ELMO1: variants seen among roughly 807,000 people sequenced by gnomAD.
The protein encoded by ELMO1 is engulfment and cell motility 1.
In ELMO1, 26 loss-of-function variants were observed where a neutral mutation model predicts 98.9. The observed-to-expected ratio is 0.26, with a 90% CI of 0.19 to 0.36. ELMO1 has a LOEUF of 0.36. Among genes scored for constraint, ELMO1 ranks in the 10% least tolerant of loss-of-function variants. The pLI, the probability that ELMO1 is intolerant of heterozygous loss-of-function variation, is 1.00. For synonymous variants in ELMO1, 346 were observed against 346.0 expected, an observed-to-expected ratio of 1.00 and a Z score of 0.00; for missense variants, 627 against 935.2, an observed-to-expected ratio of 0.67 and a Z score of 4.30.
Position 37,426,277 on chromosome 7 carries a change from C to T in ELMO1, c.-74+22398G>A, listed in dbSNP as rs1804705764. The stretch of plus-strand genomic sequence containing the variant: ...CAAGCGATTCTCCTGCCTCAGCCTC[C>T]AAAGTAGCTGGGATTATAGATGCCC... On this transcript the variant is annotated intron_variant, in intron 1 of 21. Transcript: ENST00000310758. 2.0e-5 allele frequency among the ~76,000 whole-genome samples: 3 copies of T among 150,904 alleles called. No individual in the cohort carries two copies. The South Asian group carries it at 6.3e-4, about 32-fold the overall frequency.
rs147129652 is a variant in ELMO1, at chr7:36,925,079, C to T, written c.1438-30062G>A. 2.4e-4 allele frequency among the ~76,000 whole-genome samples: 36 copies of T among 152,146 alleles called. No individual in the cohort carries two copies. The East Asian group carries it at 3.5e-3, about 15-fold the overall frequency. On this transcript the variant is annotated intron_variant, in intron 16 of 21. Coordinates refer to ENST00000310758, the MANE Select transcript of ELMO1 (RefSeq NM_014800.11). ...ACGTTGTACAATGCACAGGACAGACCGCCAACCAGGAATTATCCAGCCCAG... is the reference window on the plus strand; with the variant it reads ...ACGTTGTACAATGCACAGGACAGACTGCCAACCAGGAATTATCCAGCCCAG...
At chr7:37,344,003 A>G (rs915184652) in intron 1 of ELMO1, among the ~76,000 whole-genome samples, 2 of 148,028 alleles carry the variant, frequency 1.4e-5, no homozygotes, top group Non-Finnish European at 3.0e-5. Context: ...ACATTATTAC[A>G]TTTGCCACTT....
At chr7:37,028,081 G>A (rs1333220940) in intron 15 of ELMO1, among the ~76,000 whole-genome samples, 1 of 151,270 alleles carries the variant, frequency 6.6e-6, no homozygotes, top group Non-Finnish European at 1.5e-5. Context: ...CTTCATAACA[G>A]TTCCACAAAG....
intron 15 of ELMO1, among the ~76,000 whole-genome samples, chr7:37,026,617 A>G (rs2129182927): frequency 6.6e-6 from 1 of 152,224 alleles, no homozygotes; most frequent in Admixed American, 6.5e-5. Flanking sequence ...CCTAAATTCA[A>G]CCATAATTTA....
In ELMO1 at chr7:37,244,456, C is replaced by T. The variant is rs1794899222; in HGVS notation, c.414-65G>A. On this transcript the variant is annotated intron_variant, in intron 6 of 21. Transcript: ENST00000310758. The stretch of plus-strand genomic sequence containing the variant: ...AAAGCAACAATTTTTACACAAAGAA[C>T]ATATCTTGAAGAAAACTCAGGATTA... 3.2e-6 allele frequency: 5 copies of T among 1,543,884 alleles called. No individual in the cohort carries two copies. In the South Asian group the frequency reaches 3.5e-5, roughly 11 times the overall value.
intron 13 of ELMO1, among the ~76,000 whole-genome samples, chr7:37,178,501 C>T (rs1790634063): frequency 1.3e-5 from 2 of 151,686 alleles, no homozygotes; most frequent in Admixed American, 1.3e-4. Context: ...ACTCAGGAGG[C>T]TGAGGTGGGA....
intron 6 of ELMO1, among the ~76,000 whole-genome samples, chr7:37,258,569 G>C (rs2541082): frequency 6.6e-6 from 1 of 152,082 alleles, no homozygotes; most frequent in Non-Finnish European, 1.5e-5. Context: ...AGGCAAGCTC[G>C]TAAGAAAAAA....
intron 14 of ELMO1, among the ~76,000 whole-genome samples, chr7:37,096,961 C>T (rs970744916): frequency 3.3e-5 from 5 of 152,132 alleles, no homozygotes; most frequent in South Asian, 2.1e-4. Context: ...TTTGCTTGTT[C>T]GTTCCCATTT....
intron 20 of ELMO1, among the ~76,000 whole-genome samples, chr7:36,867,137 A>G (rs147812138): frequency 2.1e-3 from 315 of 152,120 alleles, no homozygotes; most frequent in African/African-American, 7.4e-3. Context: ...AGTAGCCTCT[A>G]TTTGCAGTCT....
chr7:37,126,322 T>C (rs75108805), intron 14 of ELMO1, among the ~76,000 whole-genome samples: 36,537 of 145,568 alleles, frequency 0.25, 5,937 homozygotes, highest in African/African-American at 0.46. Flanking sequence ...TATATATATA[T>C]ATATATAAAA....
intron 1 of ELMO1, among the ~76,000 whole-genome samples, chr7:37,444,876 G>A (rs55974560): frequency 0.04 from 6,016 of 152,262 alleles, 156 homozygotes; most frequent in Non-Finnish European, 0.06. Flanking sequence ...TCAACATTTG[G>A]AAATAGCATC....
intron 15 of ELMO1, among the ~76,000 whole-genome samples, chr7:37,085,905 G>A (rs578235585): frequency 7.2e-5 from 11 of 152,324 alleles, no homozygotes; most frequent in African/African-American, 2.6e-4. Flanking sequence ...ACTTCCTCAT[G>A]TATATAACCA....
intron 16 of ELMO1, among the ~76,000 whole-genome samples, chr7:36,920,330 T>C (rs985410639): frequency 6.6e-6 from 1 of 152,230 alleles, no homozygotes; most frequent in East Asian, 1.9e-4. Context: ...GCAACTATCA[T>C]CTGGCAGTGC....
At chr7:37,238,733 C>T (rs1455015969) in intron 7 of ELMO1, among the ~76,000 whole-genome samples, 2 of 152,114 alleles carry the variant, frequency 1.3e-5, no homozygotes, top group African/African-American at 4.8e-5. Flanking sequence ...TCCTAGCTTG[C>T]TGAGAATTTT....
intron 16 of ELMO1, among the ~76,000 whole-genome samples, chr7:36,927,581 C>G (rs1340545578): frequency 6.6e-6 from 1 of 152,180 alleles, no homozygotes; most frequent in African/African-American, 2.4e-5. Flanking sequence ...ATAATTTTCC[C>G]TTGTGAAGAG....
rs577889905 is a variant in ELMO1, at chr7:37,028,267, A to G, written c.1301-14832T>C. ...ACTGGAGAAGTATTTCCTTTCATGGACAATTTTTAAGGCAGAAAGTTAATA... is the reference window on the plus strand; with the variant it reads ...ACTGGAGAAGTATTTCCTTTCATGGGCAATTTTTAAGGCAGAAAGTTAATA... On this transcript the variant is annotated intron_variant, in intron 15 of 21. Coordinates refer to ENST00000310758, the MANE Select transcript of ELMO1 (RefSeq NM_014800.11). Among the ~76,000 whole-genome samples, 306 of 152,278 alleles carry G rather than the reference A, an allele frequency of 2.0e-3. 1 individual carries two copies. The highest frequency in any genetic ancestry group is 7.2e-3 in the African/African-American group (300 of 41,572).
At chr7:37,417,474 C>T (rs1804271746) in intron 1 of ELMO1, among the ~76,000 whole-genome samples, 2 of 152,158 alleles carry the variant, frequency 1.3e-5, no homozygotes, top group South Asian at 4.1e-4. Flanking sequence ...ATCTGGCTAA[C>T]ATGGTGAAAC....
At chr7:37,251,219 T>C (rs1374973414) in intron 6 of ELMO1, among the ~76,000 whole-genome samples, 1 of 152,216 alleles carries the variant, frequency 6.6e-6, no homozygotes, top group Non-Finnish European at 1.5e-5. Flanking sequence ...ATATCCATCT[T>C]TTTGATATTT....
At chr7:37,193,387 T>C (rs1406416225) in intron 13 of ELMO1, among the ~76,000 whole-genome samples, 9 of 152,064 alleles carry the variant, frequency 5.9e-5, no homozygotes, top group African/African-American at 1.9e-4. Context: ...AAGATGGAGG[T>C]AATTTTTTCT....
Sources: allele counts gnomAD v4.1 joint callset (sites outside exome capture counted in the v4.1 genomes callset), GRCh38; gene constraint gnomAD v4.1.1; transcripts MANE v1.5; gene names NCBI Gene and HGNC (gene_info 2026-07-23, HGNC 2026-07-21).